The following TBC1D30 variants were observed in gnomAD, a reference collection of about 807,000 sequenced individuals.
The protein encoded by TBC1D30 is TBC1 domain family member 30, also known as TBC1 domain family, member 30.
Under a neutral mutation model 63.2 loss-of-function variants are expected in TBC1D30, and 31 were observed. That is an observed-to-expected ratio of 0.49 (90% CI 0.37 to 0.66). The LOEUF is 0.66. Ranked by LOEUF, TBC1D30 falls within the 30% of genes least tolerant of loss-of-function variation. The probability of loss-of-function intolerance (pLI) is 0.00; values close to 1 mark genes in which losing one functional copy is unlikely to be tolerated. For missense variants in TBC1D30, 810 were observed against 953.6 expected (o/e 0.85, Z 1.98); for synonymous variants, 307 against 361.5 (o/e 0.85, Z 1.71).
chr12:64,778,171 C>T (rs1250314576), upstream of TBC1D30, among the ~76,000 whole-genome samples: 3 of 152,104 alleles, frequency 2.0e-5, no homozygotes, highest in South Asian at 2.1e-4. Flanking sequence ...TTGCCAATAC[C>T]GCTTCTAGGA....
chr12:64,766,025 T>C (rs575289), intron 1 of TBC1D30, among the ~76,000 whole-genome samples: 81,796 of 151,584 alleles, frequency 0.54, 22,971 homozygotes, highest in East Asian at 0.89. Flanking sequence ...AATAAATAAA[T>C]ACAAATAGAA....
At position 64,879,026 on chromosome 12, in the gene TBC1D30, T is replaced by G. The variant is rs1157554442; in HGVS notation, c.*3238T>G. The G allele has an allele frequency of 6.6e-6, 1 of 152,472 alleles. No homozygotes were observed. The highest frequency in any genetic ancestry group is 1.5e-5 in the Non-Finnish European group (1 of 68,228). The allele number at this position is 152,472 out of a possible 1,614,324, so 9.4% of individuals were successfully genotyped here. On this transcript the variant is annotated 3_prime_UTR_variant, in exon 12 of 12. Coordinates refer to ENST00000539867, the MANE Select transcript of TBC1D30 (RefSeq NM_015279.2). ...CATATAAAAACTCTCTTTACATCGT[T>G]TCTGAGCCACTTTCTTTGCTGTCTG...
In TBC1D30 at chr12:64,824,907, C is replaced by G. The variant is rs1210100197; in HGVS notation, c.28C>G (p.Leu10Val). The change falls in exon 1 of 12, where the codon CTG (leucine) becomes GTG (valine). Residue 10 changes from leucine (L) to valine (V), a missense_variant. Transcript: ENST00000539867. MRQDKLTGS[L>V]RRGGRCLKRQ... is the part of the protein sequence containing the mutation. ...GCGGCAGGACAAGCTGACCGGGTCT[C>G]TGAGGCGCGGGGGGAGATGCCTGAA... 3.3e-6 allele frequency: 5 copies of G among 1,534,390 alleles called. No homozygotes were observed. The highest frequency in any genetic ancestry group is 4.4e-6 in the Non-Finnish European group (5 of 1,146,550).
chr12:64,832,421 A>G (rs1874952260), intron 5 of TBC1D30, 117 bp downstream of exon 5: 1 of 1,036,076 alleles, frequency 9.7e-7, no homozygotes, highest in Non-Finnish European at 1.4e-6. Context: ...ACACCTTTGT[A>G]ATGACCTATG....
chr12:64,875,863 G>C lies in TBC1D30; in HGVS notation c.*75G>C. The stretch of plus-strand genomic sequence containing the variant: ...GGGTTGCAGCTGAATGGCTCTAAAA[G>C]AGTTTTATTTGTCCAGTGAAAATGA... On this transcript the variant is annotated 3_prime_UTR_variant, in exon 12 of 12. Coordinates refer to ENST00000539867, the MANE Select transcript of TBC1D30 (RefSeq NM_015279.2). 2 of 1,386,908 alleles carry C rather than the reference G, an allele frequency of 1.4e-6. No individual in the cohort carries two copies. The highest frequency in any genetic ancestry group is 1.9e-6 in the Non-Finnish European group (2 of 1,052,938). The allele number at this position is 1,386,908 out of a possible 1,614,324, so 85.9% of individuals were successfully genotyped here.
chr12:64,859,097 G>C (rs1350820572), intron 8 of TBC1D30, among the ~76,000 whole-genome samples: 1 of 151,974 alleles, frequency 6.6e-6, no homozygotes, highest in Non-Finnish European at 1.5e-5. Flanking sequence ...GTGTGTGTGT[G>C]TGTGGAGGGG....
At chr12:64,859,565 A>G (rs755082069) in intron 8 of TBC1D30, among the ~76,000 whole-genome samples, 12 of 152,218 alleles carry the variant, frequency 7.9e-5, no homozygotes, top group Non-Finnish European at 1.5e-4. Flanking sequence ...CAGAGACAGT[A>G]CTTACAAGGT....
Position 64,838,760 on chromosome 12 carries a change from C to G in TBC1D30, c.841C>G (p.Gln281Glu). ...TCTCTTTGCCACATGCCTCCCTAAT[C>G]AGACCGTTTTAAAGATCTGGGATTC... ...LTLFATCLPN[Q>E]TVLKIWDSVF... Residue 281 changes from glutamine to glutamate, a missense_variant, in exon 7 of 12, where the codon CAG becomes GAG. Physicochemically the swap from Gln to Glu is conservative, Grantham distance 29. Transcript: ENST00000539867. The G allele has an allele frequency of 2.6e-6, 4 of 1,536,476 alleles. No individual in the cohort carries two copies. Among genetic ancestry groups the G allele is most frequent in the Non-Finnish European group, 3.5e-6 (4 of 1,146,980 alleles).
chr12:64,766,159 AAG>A (rs1174437853), intron 1 of TBC1D30, among the ~76,000 whole-genome samples: 7 of 152,174 alleles, frequency 4.6e-5, no homozygotes, highest in African/African-American at 1.4e-4. Context: ...AAATAAAGCA[AAG>A]AGAGAAAAAA....
intron 2 of TBC1D30, 90 bp from the exon 3 acceptor site, chr12:64,828,354 C>A: frequency 1.1e-6 from 1 of 949,482 alleles, no homozygotes; most frequent in Non-Finnish European, 1.6e-6. Context: ...AATTTCAGCA[C>A]ATTCTATGAA....
chr12:64,776,199 AAAAC>A (rs1871074823), upstream of TBC1D30, among the ~76,000 whole-genome samples: 1 of 152,214 alleles, frequency 6.6e-6, no homozygotes, highest in South Asian at 2.1e-4. Context: ...TATCACAACT[AAAAC>A]AAATAGAGAA....
intron 1 of TBC1D30, among the ~76,000 whole-genome samples, chr12:64,782,520 T>A (rs1871347767): frequency 6.6e-6 from 1 of 152,206 alleles, no homozygotes. Flanking sequence ...TGTCTGTGTA[T>A]GCCACAAGTC....
At chr12:64,823,110 ACTT>A (rs1873986440), upstream of TBC1D30, among the ~76,000 whole-genome samples, 1 of 152,110 alleles carries the variant, frequency 6.6e-6, no homozygotes, top group African/African-American at 2.4e-5. Flanking sequence ...TTTAAAGAAA[ACTT>A]AATTACTTTG....
At chr12:64,772,081 C>A (rs1168979440) in intron 1 of TBC1D30, among the ~76,000 whole-genome samples, 6 of 151,990 alleles carry the variant, frequency 3.9e-5, no homozygotes, top group Middle Eastern at 3.4e-3. Context: ...ATGGAGAAAC[C>A]CTGTCTCTAC....
intron 11 of TBC1D30, 39 bp downstream of exon 11, chr12:64,870,847 C>G: frequency 6.6e-7 from 1 of 1,526,334 alleles, no homozygotes; most frequent in Non-Finnish European, 8.8e-7. Context: ...TCAGCTCTAT[C>G]TCAACTTGTA....
chr12:64,766,627 G>C (rs1004667055), intron 1 of TBC1D30, among the ~76,000 whole-genome samples: 4 of 152,102 alleles, frequency 2.6e-5, no homozygotes, highest in African/African-American at 9.7e-5. Context: ...TTTCAATAAT[G>C]GATAGAGTAG....
At chr12:64,813,642 A>T (rs1873352499) in intron 2 of TBC1D30, among the ~76,000 whole-genome samples, 1 of 152,194 alleles carries the variant, frequency 6.6e-6, no homozygotes, top group Non-Finnish European at 1.5e-5. Context: ...TTTGAGCATC[A>T]CATGTTTTGG....
At chr12:64,783,089 ATG>A (rs1224388215) in intron 1 of TBC1D30, among the ~76,000 whole-genome samples, 1 of 152,224 alleles carries the variant, frequency 6.6e-6, no homozygotes, top group Non-Finnish European at 1.5e-5. Flanking sequence ...TTCAGTAAGA[ATG>A]TCATACAATA....
upstream of TBC1D30, among the ~76,000 whole-genome samples, chr12:64,823,108 AAACTT>A (rs1243251224): frequency 1.3e-5 from 2 of 152,178 alleles, no homozygotes; most frequent in East Asian, 1.9e-4. Flanking sequence ...ATTTTAAAGA[AAACTT>A]AATTACTTTG....
Sources: allele counts gnomAD v4.1 joint callset (sites outside exome capture counted in the v4.1 genomes callset), GRCh38; gene constraint gnomAD v4.1.1; transcripts MANE v1.5; gene names NCBI Gene and HGNC (gene_info 2026-07-23, HGNC 2026-07-21).